The following CEP78 variants were observed in gnomAD, a reference collection of about 807,000 sequenced individuals.
CEP78 encodes centrosomal protein 78, also known as centrosomal protein of 78 kDa.
In CEP78, 76 loss-of-function variants were observed where a neutral mutation model predicts 81.2. The ratio of observed to expected loss-of-function variants is 0.94; its 90% CI spans 0.78 to 1.13. The LOEUF is 1.13. Ranked by LOEUF, CEP78 falls within the 50% of genes most tolerant of loss-of-function variation. The pLI is 0.00. For missense variants in CEP78, 918 were observed against 846.8 expected, an observed-to-expected ratio of 1.08 and a Z score of -1.04; for synonymous variants, 293 against 301.4, an observed-to-expected ratio of 0.97 and a Z score of 0.29.
intron 11 of CEP78, among the ~76,000 whole-genome samples, chr9:78,256,705 T>C (rs952083815): frequency 5.3e-5 from 8 of 151,712 alleles, no homozygotes; most frequent in African/African-American, 1.9e-4. Flanking sequence ...CACCTGAGAG[T>C]TGAGTAAAAC....
At chr9:78,242,235 G>C (rs1826269576) in intron 4 of CEP78, among the ~76,000 whole-genome samples, 1 of 152,042 alleles carries the variant, frequency 6.6e-6, no homozygotes, top group African/African-American at 2.4e-5. Context: ...TTGAAACATA[G>C]TCATGCCCAT....
rs1000806029 is a variant in CEP78, at chr9:78,251,886, C to A, written c.1070-22C>A. On this transcript the variant is annotated intron_variant, in intron 8 of 16. Transcript: ENST00000643273. ...GACCTTTAGTGCATCTTGATTCTTTCTTTTTAACACTTCTCAAGTAGGATT... is the reference window on the plus strand; with the variant it reads ...GACCTTTAGTGCATCTTGATTCTTTATTTTTAACACTTCTCAAGTAGGATT... The A allele has an allele frequency of 2.4e-5, 39 of 1,592,594 alleles. No individual in the cohort carries two copies. Among genetic ancestry groups the A allele is most frequent in the Non-Finnish European group, 2.8e-5 (33 of 1,164,936 alleles).
chr9:78,241,414 A>C (rs1367373621), intron 3 of CEP78, among the ~76,000 whole-genome samples: 1 of 152,158 alleles, frequency 6.6e-6, no homozygotes, highest in African/African-American at 2.4e-5. Context: ...GATGTCTCAA[A>C]AAGTATATAG....
At chr9:78,269,090 TAAC>T (rs1827636395) in intron 16 of CEP78, among the ~76,000 whole-genome samples, 1 of 152,214 alleles carries the variant, frequency 6.6e-6, no homozygotes, top group Non-Finnish European at 1.5e-5. Flanking sequence ...TAGGAGTGCC[TAAC>T]AACTGGTGCC....
rs767604405 is a variant in CEP78, at chr9:78,254,840, C to G, written c.1256C>G (p.Pro419Arg). 6.9e-6 allele frequency: 11 copies of G among 1,603,868 alleles called. No individual in the cohort carries two copies. Among genetic ancestry groups the G allele is most frequent in the East Asian group, 2.2e-5 (1 of 44,622 alleles). The change falls in exon 11 of 17, where the codon CCA (proline) becomes CGA (arginine). Residue 419 changes from proline (P) to arginine (R), a missense_variant. Coordinates refer to ENST00000643273, the MANE Select transcript of CEP78 (RefSeq NM_001330691.3). ...TRDICNQLQQ[P>R]GFPVTVTVES... ...ATCTTGTCCTCTTTTTTTAAGCAAC[C>G]AGGTTTTCCTGTGACTGTGACAGTA... is the stretch of plus-strand genomic sequence containing the variant.
chr9:78,257,032 T>C (rs578227609), intron 11 of CEP78, among the ~76,000 whole-genome samples: 94 of 151,652 alleles, frequency 6.2e-4, no homozygotes, highest in Non-Finnish European at 9.6e-4. Flanking sequence ...GCTAGTGAGG[T>C]TGCATCTAGG....
rs868507098 is a variant in CEP78 at position 78,256,536 on chromosome 9, T to A, written c.1380+1572T>A. Among the ~76,000 whole-genome samples, 86 of 142,190 alleles carry A rather than the reference T, an allele frequency of 6.0e-4. 2 individuals carry two copies. The highest frequency in any genetic ancestry group is 1.8e-3 in the African/African-American group (67 of 38,118). The allele number at this position is 142,190 out of a possible 152,430, so 93.3% of individuals were successfully genotyped here. Reference sequence around the variant, plus strand: ...CCTCTGCTCCCTTATTTTTTTTTTTTTTTTTTTTTTTTTTGAGATGGAGTC... The same window carrying A: ...CCTCTGCTCCCTTATTTTTTTTTTTATTTTTTTTTTTTTTGAGATGGAGTC... On this transcript the variant is annotated intron_variant, in intron 11 of 16. Coordinates refer to ENST00000643273, the MANE Select transcript of CEP78 (RefSeq NM_001330691.3).
intron 16 of CEP78, among the ~76,000 whole-genome samples, chr9:78,268,285 C>T (rs560327891): frequency 2.0e-5 from 3 of 152,168 alleles, no homozygotes; most frequent in Admixed American, 6.5e-5. Flanking sequence ...AGTACAGAGC[C>T]GTGAGTGTGA....
At chr9:78,258,643 C>T (rs977324287) in intron 11 of CEP78, among the ~76,000 whole-genome samples, 11 of 151,952 alleles carry the variant, frequency 7.2e-5, no homozygotes, top group Admixed American at 2.0e-4. Flanking sequence ...GTCTAAAATC[C>T]GGTCATGTAG....
intron 16 of CEP78, 115 bp from the exon 17 acceptor site, chr9:78,270,726 G>T (rs963002126): frequency 1.8e-6 from 1 of 568,958 alleles, no homozygotes; most frequent in African/African-American, 2.0e-5. Flanking sequence ...AGTAACACTT[G>T]ATTTTCAGAG....
intron 1 of CEP78, 95 bp downstream of exon 1, chr9:78,236,698 A>C: frequency 6.9e-7 from 1 of 1,444,996 alleles, no homozygotes; most frequent in Non-Finnish European, 9.1e-7. Context: ...GTGCAATAGA[A>C]GGGGTGTGCG....
Position 78,253,234 on chromosome 9 carries a change from GT to G in CEP78, c.1211del (p.Phe404SerfsTer3). On this transcript the variant is annotated frameshift_variant, in exon 10 of 17. Transcript: ENST00000643273. LOFTEE classifies it high-confidence loss of function. ...RTAERAKRHR[G>X]FPLIKTRDIC... ...TTAATTTATCGATATCTTTTTAGGG[GT>G]TTCCCATTAATCAAAACACGTGATA... is the stretch of plus-strand genomic sequence containing the variant. 1 of 1,318,288 alleles carries G rather than the reference GT, an allele frequency of 7.6e-7. No individual in the cohort carries two copies. The highest frequency in any genetic ancestry group is 1.1e-6 in the Non-Finnish European group (1 of 926,256). The allele number at this position is 1,318,288 out of a possible 1,614,324, so 81.7% of individuals were successfully genotyped here.
chr9:78,265,916 C>T lies in CEP78; in HGVS notation c.1845+10C>T, dbSNP rs1827507013. The T allele has an allele frequency of 7.8e-7, 1 of 1,283,486 alleles. No homozygotes were observed. The highest frequency in any genetic ancestry group is 1.1e-6 in the Non-Finnish European group (1 of 902,732). The allele number at this position is 1,283,486 out of a possible 1,614,324, so 79.5% of individuals were successfully genotyped here. A position where few individuals can be genotyped will look rare whatever the true frequency, so the allele number is the denominator to read the frequency against. ...AGGAACACTAATGAAGGTACAAGTA[C>T]TGATATAGATAATTTTTCAGAATAA... On this transcript the variant is annotated intron_variant, in intron 15 of 16. Transcript: ENST00000643273.
intron 11 of CEP78, among the ~76,000 whole-genome samples, chr9:78,257,263 T>A (rs1827080894): frequency 6.6e-6 from 1 of 152,184 alleles, no homozygotes; most frequent in South Asian, 2.1e-4. Flanking sequence ...ATACTTCTCA[T>A]CAGCTACCAT....
intron 11 of CEP78, among the ~76,000 whole-genome samples, chr9:78,255,269 A>G (rs563971319): frequency 1.3e-5 from 2 of 152,314 alleles, no homozygotes; most frequent in Admixed American, 1.3e-4. Context: ...GAAATTAAGC[A>G]CTGAATGAAT....
At chr9:78,257,089 G>A (rs1827070876) in intron 11 of CEP78, among the ~76,000 whole-genome samples, 1 of 151,530 alleles carries the variant, frequency 6.6e-6, no homozygotes, top group Non-Finnish European at 1.5e-5. Flanking sequence ...AGAAAAAAAT[G>A]GATGGAAGGA....
intron 1 of CEP78, among the ~76,000 whole-genome samples, chr9:78,236,835 G>C (rs1043392492): frequency 5.9e-5 from 9 of 152,294 alleles, no homozygotes; most frequent in African/African-American, 2.2e-4. Flanking sequence ...CTGCGCTGCT[G>C]ATGCCTGCAG....
chr9:78,239,658 G>A (rs1826125554), intron 1 of CEP78, among the ~76,000 whole-genome samples: 1 of 152,134 alleles, frequency 6.6e-6, no homozygotes, highest in African/African-American at 2.4e-5. Context: ...CTACGGCTCT[G>A]GGCTTTAGTC....
chr9:78,250,162 T>C, intron 8 of CEP78: 1 of 397,682 alleles, frequency 2.5e-6, no homozygotes, highest in Non-Finnish European at 4.4e-6. Context: ...TTAAAGAAAT[T>C]GGAAATGTGA....
Sources: gnomAD v4.1 joint callset for allele counts (sites outside exome capture counted in the v4.1 genomes callset) on GRCh38, gnomAD v4.1.1 for gene constraint, MANE v1.5 for transcripts, NCBI Gene and HGNC (gene_info 2026-07-23, HGNC 2026-07-21) for gene names.